Variants in ADAMTS12 observed in about 807,000 individuals in gnomAD.
ADAMTS12 encodes the protein A disintegrin and metalloproteinase with thrombospondin motifs 12.
Under a neutral mutation model 167.8 loss-of-function variants are expected in ADAMTS12, and 118 were observed. The observed-to-expected ratio is 0.70, with a 90% CI of 0.61 to 0.82. ADAMTS12 has a LOEUF of 0.82. ADAMTS12 is among the 40% of genes least tolerant of loss of function. The probability of loss-of-function intolerance (pLI) is 0.00; values close to 1 mark genes in which losing one functional copy is unlikely to be tolerated. For missense variants in ADAMTS12, 1,916 were observed against 1,998.8 expected (o/e 0.96, Z 0.79); for synonymous variants, 704 against 716.9 (o/e 0.98, Z 0.29).
In ADAMTS12 at chr5:33,779,476, G is replaced by A. The variant is rs112605949; in HGVS notation, c.490-27928C>T. Among the ~76,000 whole-genome samples, 307 of 152,228 alleles carry A rather than the reference G, an allele frequency of 2.0e-3. 5 individuals are homozygous for A. The highest frequency in any genetic ancestry group is 5.6e-3 in the African/African-American group (232 of 41,548). On this transcript the variant is annotated intron_variant, in intron 2 of 23. Transcript: ENST00000504830. ...GCTGGGATTACAGGCATGAGCCGTC[G>A]CATTTGGCCTGAAATTGCTGTCTTG...
chr5:33,804,612 G>A (rs1747151946), intron 2 of ADAMTS12, among the ~76,000 whole-genome samples: 3 of 152,206 alleles, frequency 2.0e-5, no homozygotes, highest in Admixed American at 1.3e-4. Context: ...TCCCTCCTCA[G>A]CCTAAGAGGT....
At chr5:33,877,027 G>C (rs1408504245) in intron 2 of ADAMTS12, among the ~76,000 whole-genome samples, 1 of 152,166 alleles carries the variant, frequency 6.6e-6, no homozygotes, top group Middle Eastern at 3.2e-3. Context: ...TTCACCCAAA[G>C]AGAAAGGGAA....
chr5:33,556,205 G>A (rs1390024087), intron 20 of ADAMTS12, among the ~76,000 whole-genome samples: 1 of 152,182 alleles, frequency 6.6e-6, no homozygotes, highest in Admixed American at 6.5e-5. Flanking sequence ...AAGCTCCTAA[G>A]TAGTTAGATG....
At chr5:33,855,632 T>G (rs1457887206) in intron 2 of ADAMTS12, among the ~76,000 whole-genome samples, 1 of 152,000 alleles carries the variant, frequency 6.6e-6, no homozygotes, top group Admixed American at 6.6e-5. Context: ...TCAGCAGAAA[T>G]GTGTCACTGC....
intron 2 of ADAMTS12, among the ~76,000 whole-genome samples, chr5:33,866,588 A>G (rs1749831347): frequency 1.3e-5 from 2 of 152,122 alleles, no homozygotes; most frequent in South Asian, 2.1e-4. Context: ...AACAAAAAAT[A>G]TATCAGTAGG....
intron 5 of ADAMTS12, among the ~76,000 whole-genome samples, chr5:33,671,863 T>TACAC (rs745792180): frequency 7.5e-6 from 1 of 133,640 alleles, no homozygotes; most frequent in East Asian, 2.4e-4. Context: ...CACCCCCACA[T>TACAC]ACACACACAC....
intron 22 of ADAMTS12, among the ~76,000 whole-genome samples, chr5:33,536,940 C>T (rs1349651281): frequency 2.0e-5 from 3 of 152,194 alleles, no homozygotes; most frequent in East Asian, 1.9e-4. Context: ...TTATACAGAG[C>T]TCTGAGATAT....
rs548745437 is a variant in ADAMTS12 at position 33,533,010 on chromosome 5, A to G, written c.4606+1823T>C. Among the ~76,000 whole-genome samples the G allele has an allele frequency of 1.2e-4, 18 of 152,358 alleles. No individual in the cohort carries two copies. The South Asian group carries it at 3.5e-3, about 30-fold the overall frequency. On this transcript the variant is annotated intron_variant, in intron 23 of 23. Transcript: ENST00000504830. ...CATGGCTCTGCCTTCAAAAGAAGCT[A>G]GTAATTAACTTTTGTGGCCCTGATA...
chr5:33,641,927 A>T lies in ADAMTS12; in HGVS notation c.1601T>A (p.Val534Glu). 2 of 1,613,280 alleles carry T rather than the reference A, an allele frequency of 1.2e-6. No homozygotes were observed. The highest frequency in any genetic ancestry group is 1.7e-6 in the Non-Finnish European group (2 of 1,179,470). Reference protein sequence around the residue: ...KWCMAGKCITVGKKPESIPGG... With the variant: ...KWCMAGKCITEGKKPESIPGG... The stretch of plus-strand genomic sequence containing the variant: ...AGGAATGCTCTCTGGTTTCTTCCCC[A>T]CTGTGATGCACTTGCCTGCCATACA... The change falls in exon 11 of 24, where the codon GTG (valine) becomes GAG (glutamate). Residue 534 changes from valine (V) to glutamate (E), a missense_variant. Coordinates refer to ENST00000504830, the MANE Select transcript of ADAMTS12 (RefSeq NM_030955.4).
intron 20 of ADAMTS12, among the ~76,000 whole-genome samples, chr5:33,557,130 C>T (rs1668274419): frequency 6.6e-6 from 1 of 152,154 alleles, no homozygotes. Context: ...GGTAGAAGTT[C>T]CTGGTGAGTA....
rs186929568 is a variant in ADAMTS12 at position 33,761,783 on chromosome 5, T to G, written c.490-10235A>C. On this transcript the variant is annotated intron_variant, in intron 2 of 23. Transcript: ENST00000504830. The stretch of plus-strand genomic sequence containing the variant: ...AATAGGTCTGAGTAACTGTAGTATT[T>G]TTTGGCTGGGGGCAATAAAAATCTT... 4.6e-5 allele frequency among the ~76,000 whole-genome samples: 7 copies of G among 152,338 alleles called. No homozygotes were observed. In the East Asian group the frequency reaches 9.6e-4, roughly 21 times the overall value.
intron 2 of ADAMTS12, among the ~76,000 whole-genome samples, chr5:33,765,464 C>G (rs1241322374): frequency 6.6e-6 from 1 of 152,158 alleles, no homozygotes; most frequent in Non-Finnish European, 1.5e-5. Context: ...CACTTTGCAT[C>G]TGGATACAAG....
At chr5:33,734,192 C>T (rs1280244834) in intron 3 of ADAMTS12, among the ~76,000 whole-genome samples, 1 of 152,176 alleles carries the variant, frequency 6.6e-6, no homozygotes, top group South Asian at 2.1e-4. Flanking sequence ...AAAGCAGGAA[C>T]GTGTTCCTTG....
intron 2 of ADAMTS12, among the ~76,000 whole-genome samples, chr5:33,793,880 C>A (rs28495195): frequency 0.041 from 6,302 of 152,248 alleles, 463 homozygotes; most frequent in African/African-American, 0.14. Context: ...GTTCTTCCCC[C>A]CTCCCCGCCT....
At chr5:33,677,980 T>C (rs1741980667) in intron 5 of ADAMTS12, among the ~76,000 whole-genome samples, 1 of 152,110 alleles carries the variant, frequency 6.6e-6, no homozygotes, top group Non-Finnish European at 1.5e-5. Flanking sequence ...TAGCCTAACC[T>C]CAAGGTCTGT....
intron 3 of ADAMTS12, among the ~76,000 whole-genome samples, chr5:33,739,042 T>C (rs1222700728): frequency 6.6e-6 from 1 of 152,170 alleles, no homozygotes; most frequent in Admixed American, 6.5e-5. Context: ...ACTCCCTTGC[T>C]AGTTAGGTTA....
At chr5:33,619,217 C>A (rs1739183651) in intron 14 of ADAMTS12, among the ~76,000 whole-genome samples, 1 of 152,196 alleles carries the variant, frequency 6.6e-6, no homozygotes, top group African/African-American at 2.4e-5. Flanking sequence ...CAGGCCTTCT[C>A]CTTGTACAAC....
intron 3 of ADAMTS12, among the ~76,000 whole-genome samples, chr5:33,710,471 T>G (rs1343667788): frequency 6.6e-6 from 1 of 152,178 alleles, no homozygotes; most frequent in Non-Finnish European, 1.5e-5. Flanking sequence ...AATTGTCAAG[T>G]CTTCTTGCCA....
chr5:33,634,082 A>C (rs1438746778), intron 12 of ADAMTS12, among the ~76,000 whole-genome samples: 1 of 152,162 alleles, frequency 6.6e-6, no homozygotes, highest in Non-Finnish European at 1.5e-5. Context: ...GTGGCTCAAC[A>C]TTTTTGGATA....
Sources: allele counts gnomAD v4.1 joint callset (sites outside exome capture counted in the v4.1 genomes callset), GRCh38; gene constraint gnomAD v4.1.1; transcripts MANE v1.5; gene names NCBI Gene and HGNC (gene_info 2026-07-23, HGNC 2026-07-21).